The following LRCH3 variants were observed in gnomAD, a reference collection of about 807,000 sequenced individuals.
The protein encoded by LRCH3 is DISP complex protein LRCH3.
Under a neutral mutation model 104.5 loss-of-function variants are expected in LRCH3, and 68 were observed. The observed-to-expected ratio is 0.65, with a 90% CI of 0.54 to 0.80. LRCH3 has a LOEUF of 0.80. LRCH3 is among the 30% of genes least tolerant of loss of function. The pLI is 0.00. For missense variants in LRCH3, 951 were observed against 953.9 expected (o/e 1.00, Z 0.04); for synonymous variants, 344 against 361.3 (o/e 0.95, Z 0.54).
At position 197,813,531 on chromosome 3, in the gene LRCH3, T is replaced by C. The variant is rs1216766407; in HGVS notation, c.263-1377T>C. On this transcript the variant is annotated intron_variant, in intron 1 of 20. Transcript: ENST00000425562. The stretch of plus-strand genomic sequence containing the variant: ...TATAATTTTTTTTTTTTTTTTTTTT[T>C]TTTTTTTTTTTTTTTTTGAGATGGA... 9.3e-5 allele frequency among the ~76,000 whole-genome samples: 11 copies of C among 118,368 alleles called. 1 individual carries two copies. The highest frequency in any genetic ancestry group is 5.8e-4 in the South Asian group (2 of 3,474). 77.7% of individuals were successfully genotyped at this position (118,368 alleles called of 152,430 possible).
At chr3:197,846,143 C>T (rs186972275) in intron 10 of LRCH3, among the ~76,000 whole-genome samples, 362 of 152,080 alleles carry the variant, frequency 2.4e-3, no homozygotes, top group African/African-American at 8.4e-3. Context: ...TGGCCCACAC[C>T]CGTAATCCCA....
intron 17 of LRCH3, among the ~76,000 whole-genome samples, chr3:197,868,932 A>T (rs73892159): frequency 0.16 from 24,148 of 152,128 alleles, 2,502 homozygotes; most frequent in African/African-American, 0.3. Context: ...TTTTTTGAGC[A>T]CTGTGCTTAC....
intron 1 of LRCH3, among the ~76,000 whole-genome samples, chr3:197,797,864 AAAAAAAAAAC>A (rs200858951): frequency 0.7 from 89,626 of 127,718 alleles, 32,944 homozygotes; most frequent in East Asian, 0.92. Flanking sequence ...CATCTCAAAA[AAAAAAAAAAC>A]AAAAAAAACA....
In LRCH3 at chr3:197,830,875, T is replaced by C; in HGVS notation, c.981+12T>C. 6.3e-7 allele frequency: 1 copy of C among 1,589,152 alleles called. No homozygotes were observed. On this transcript the variant is annotated intron_variant, in intron 7 of 20. Coordinates refer to ENST00000425562, the MANE Select transcript of LRCH3 (RefSeq NM_001365715.1). ...GGTCAGGGAATGAAGTAAGTGTTTT[T>C]TATGTTCCGTGTGTTATAACACCTG...
chr3:197,846,558 C>A (rs1474508181), intron 10 of LRCH3, among the ~76,000 whole-genome samples: 133 of 144,566 alleles, frequency 9.2e-4, no homozygotes, highest in Middle Eastern at 3.7e-3. Flanking sequence ...AAAAAAAAAA[C>A]AAAAAAAACA....
In LRCH3 at chr3:197,854,274, C is replaced by A; in HGVS notation, c.1591-118C>A. 1.2e-6 allele frequency: 1 copy of A among 858,658 alleles called. No individual in the cohort carries two copies. Among genetic ancestry groups the A allele is most frequent in the South Asian group, 1.4e-5 (1 of 73,470 alleles). The allele number at this position is 858,658 out of a possible 1,614,324, so 53.2% of individuals were successfully genotyped here. ...TGATTGTGAATGTGGTCCTCTATGT[C>A]AACGTCTTCAAAAGTATGTCTTAAT... On this transcript the variant is annotated intron_variant, in intron 13 of 20. Coordinates refer to ENST00000425562, the MANE Select transcript of LRCH3 (RefSeq NM_001365715.1). This position sits in a 1 kb window ranked among gnomAD's most constrained non-coding sequence, Gnocchi z 4.5.
chr3:197,792,605 A>ATATATATAT (rs1553912026), intron 1 of LRCH3, among the ~76,000 whole-genome samples: 1 of 52,244 alleles, frequency 1.9e-5, no homozygotes, highest in Non-Finnish European at 4.4e-5. Flanking sequence ...ATATATATAT[A>ATATATATAT]AAATATACAT....
intron 4 of LRCH3, among the ~76,000 whole-genome samples, chr3:197,821,905 G>T (rs1261506874): frequency 6.6e-6 from 1 of 152,182 alleles, no homozygotes; most frequent in African/African-American, 2.4e-5. Flanking sequence ...AACTCCTGGG[G>T]TCAAGAGATC....
intron 15 of LRCH3, among the ~76,000 whole-genome samples, chr3:197,865,170 G>A (rs189940036): frequency 2.7e-4 from 41 of 152,158 alleles, no homozygotes; most frequent in African/African-American, 9.4e-4. Context: ...TAGACGTTTT[G>A]TAGAGACAGG....
At chr3:197,817,924 C>T (rs945270120) in intron 3 of LRCH3, among the ~76,000 whole-genome samples, 1 of 152,116 alleles carries the variant, frequency 6.6e-6, no homozygotes, top group African/African-American at 2.4e-5. Flanking sequence ...AGGTTCACGC[C>T]ATTCTCCTGC....
chr3:197,795,377 C>T (rs1315357907), intron 1 of LRCH3, among the ~76,000 whole-genome samples: 1 of 152,118 alleles, frequency 6.6e-6, no homozygotes, highest in Non-Finnish European at 1.5e-5. Flanking sequence ...AGTATATAGT[C>T]CATTGCTCTG....
At chr3:197,850,499 T>C in intron 12 of LRCH3, 1 of 1,592,052 alleles carries the variant, frequency 6.3e-7, no homozygotes, top group Non-Finnish European at 8.5e-7. Flanking sequence ...TCTGTTCCTT[T>C]TCCATAAGGA....
intron 18 of LRCH3, 148 bp downstream of exon 18, chr3:197,870,426 C>T: frequency 2.7e-6 from 2 of 730,706 alleles, no homozygotes; most frequent in South Asian, 1.9e-5. Flanking sequence ...AGTTCAGTGG[C>T]ATGATCCTGG....
In LRCH3 at chr3:197,879,907, C is replaced by T. The variant is rs1035205185; in HGVS notation, c.2209-3634C>T. Among the ~76,000 whole-genome samples the T allele has an allele frequency of 2.0e-5, 3 of 151,538 alleles. No individual in the cohort carries two copies. The South Asian group carries it at 6.2e-4, about 31-fold the overall frequency. ...CACACACACCTCACTACATTCAGGC[C>T]TCACACGACCCTAAACCAACATCCA... On this transcript the variant is annotated intron_variant, in intron 20 of 20. Coordinates refer to ENST00000425562, the MANE Select transcript of LRCH3 (RefSeq NM_001365715.1).
chr3:197,871,593 G>A, intron 19 of LRCH3, 131 bp downstream of exon 19: 3 of 1,236,316 alleles, frequency 2.4e-6, no homozygotes, highest in Non-Finnish European at 3.4e-6. Flanking sequence ...TACCTTCCTG[G>A]TCTCACTTCT....
chr3:197,798,510 T>G (rs1731523567), intron 1 of LRCH3, among the ~76,000 whole-genome samples: 1 of 152,180 alleles, frequency 6.6e-6, no homozygotes, highest in Non-Finnish European at 1.5e-5. Context: ...AAGGAAACAT[T>G]GACATGTGGC....
At chr3:197,872,379 A>G (rs1375697292) in intron 19 of LRCH3, among the ~76,000 whole-genome samples, 3 of 146,550 alleles carry the variant, frequency 2.0e-5, no homozygotes, top group African/African-American at 7.7e-5. Context: ...AAAAAAAAAA[A>G]AGGAATGATG....
At chr3:197,808,088 T>C (rs9864691) in intron 1 of LRCH3, among the ~76,000 whole-genome samples, 7,549 of 152,310 alleles carry the variant, frequency 0.05, 352 homozygotes, top group African/African-American at 0.12. Flanking sequence ...ACTCTCAGTA[T>C]CTGCGATTGT....
intron 20 of LRCH3, chr3:197,880,899 T>TA: frequency 7.0e-7 from 1 of 1,429,350 alleles, no homozygotes; most frequent in Non-Finnish European, 9.1e-7. Context: ...AGTAAACATT[T>TA]ACGATTGCTA....
Sources: gnomAD v4.1 joint callset for allele counts (sites outside exome capture counted in the v4.1 genomes callset) on GRCh38, gnomAD v4.1.1 for gene constraint, Gnocchi (gnomAD v3.1) non-coding constraint, MANE v1.5 for transcripts, NCBI Gene and HGNC (gene_info 2026-07-23, HGNC 2026-07-21) for gene names.